Variants in HTR1B observed in about 807,000 individuals in gnomAD.
HTR1B encodes the protein 5-hydroxytryptamine receptor 1B, also known as 5-hydroxytryptamine (serotonin) receptor 1B, G protein-coupled.
A neutral mutation model predicts 25.3 loss-of-function variants in HTR1B; 12 were observed. The observed-to-expected ratio is 0.47, with a 90% CI of 0.30 to 0.77. The LOEUF is 0.77. Ranked by LOEUF, HTR1B falls within the 30% of genes least tolerant of loss-of-function variation. The pLI, the probability that HTR1B is intolerant of heterozygous loss-of-function variation, is 0.06. For synonymous variants in HTR1B, 224 were observed against 219.1 expected, an observed-to-expected ratio of 1.02 and a Z score of -0.20; for missense variants, 453 against 503.0, an observed-to-expected ratio of 0.90 and a Z score of 0.95.
chr6:77,462,828 G>A lies in HTR1B; in HGVS notation c.576C>T (p.Ala192=), dbSNP rs143504829. 6 of 1,613,900 alleles carry A rather than the reference G, an allele frequency of 3.7e-6. No individual in the cohort carries two copies. Among genetic ancestry groups the A allele is most frequent in the South Asian group, 1.1e-5 (1 of 91,088 alleles). ...CCACGCATTCCGACACCTCCTCTTC[G>A]GCCTTAGCCTGACGCCAGAAGAAGG... The part of the protein sequence containing the change: ...LPPFFWRQAK[A]EEEVSECVVN... Residue 192 remains alanine, a synonymous_variant, in exon 1 of 1, where the codon GCC becomes GCT. Transcript: ENST00000369947. This position sits in a 1 kb window ranked among gnomAD's most constrained non-coding sequence, Gnocchi z 4.9.
chr6:77,463,311 T>C lies in HTR1B; in HGVS notation c.93A>G (p.Gln31=). 1 of 1,614,010 alleles carries C rather than the reference T, an allele frequency of 6.2e-7. No homozygotes were observed. ...AAATGTAGTCCTTGGCGCTGCAGTT[T>C]TGGGAGGGAGCAGAGGATAAGTTGG... ...PQANLSSAPS[Q]NCSAKDYIYQ... Residue 31 remains glutamine (Q), a synonymous_variant, in exon 1 of 1, where the codon CAA becomes CAG. Transcript: ENST00000369947.
In HTR1B at chr6:77,462,446, A is replaced by G; in HGVS notation, c.958T>C (p.Leu320=). Residue 320 remains leucine, a synonymous_variant, in exon 1 of 1, where the codon TTG becomes CTG. Coordinates refer to ENST00000369947, the MANE Select transcript of HTR1B (RefSeq NM_000863.3). This position sits in a 1 kb window ranked among gnomAD's most constrained non-coding sequence, Gnocchi z 4.9. The part of the protein sequence containing the change: ...RKATKTLGII[L]GAFIVCWLPF... ...AGCCAACACACAATAAAGGCTCCCA[A>G]AATGATCCCTAGGGTCTTGGTGGCT... The G allele has an allele frequency of 1.2e-6, 2 of 1,614,082 alleles. No individual in the cohort carries two copies. Among genetic ancestry groups the G allele is most frequent in the African/African-American group, 1.3e-5 (1 of 75,036 alleles).
rs1257534609 is a variant in HTR1B at position 77,462,399 on chromosome 6, T to C, written c.1005A>G (p.Leu335=). The change falls in exon 1 of 1, where the codon CTA becomes CTG. Residue 335 remains leucine, a synonymous_variant. Coordinates refer to ENST00000369947, the MANE Select transcript of HTR1B (RefSeq NM_000863.3). This position sits in a 1 kb window ranked among gnomAD's most constrained non-coding sequence, Gnocchi z 4.9. Reference sequence around the variant, plus strand: ...AGGCATCTTTGCAGATAGGCATCACTAGGGAGATGATGAAGAAGGGTAGCC... The same window carrying C: ...AGGCATCTTTGCAGATAGGCATCACCAGGGAGATGATGAAGAAGGGTAGCC... ...VCWLPFFIIS[L]VMPICKDACW... 4.3e-6 allele frequency: 7 copies of C among 1,613,704 alleles called. No individual in the cohort carries two copies. In the East Asian group the frequency reaches 1.1e-4, roughly 26 times the overall value.
Position 77,462,137 on chromosome 6 carries a change from C to G in HTR1B, c.*94G>C, listed in dbSNP as rs1258089694. ...CCAGGAGAGAGAGCCTCGCTGGGAC[C>G]CAGAAACCGCGAAAGAAGATTCGAC... On this transcript the variant is annotated 3_prime_UTR_variant, in exon 1 of 1. Transcript: ENST00000369947. This position sits in a 1 kb window ranked among gnomAD's most constrained non-coding sequence, Gnocchi z 4.9. 2.3e-6 allele frequency: 2 copies of G among 854,180 alleles called. No homozygotes were observed. The highest frequency in any genetic ancestry group is 4.4e-5 in the Admixed American group (2 of 45,372). The allele number at this position is 854,180 out of a possible 1,614,324, so 52.9% of individuals were successfully genotyped here. A position where few individuals can be genotyped will look rare whatever the true frequency, so the allele number is the denominator to read the frequency against.
Position 77,462,801 on chromosome 6 carries a change from C to T in HTR1B, c.603G>A (p.Val201=), listed in dbSNP as rs1766159800. Residue 201 remains valine, a synonymous_variant, in exon 1 of 1, where the codon GTG becomes GTA. Coordinates refer to ENST00000369947, the MANE Select transcript of HTR1B (RefSeq NM_000863.3). The surrounding 1 kb of genome is among the most constrained non-coding windows in gnomAD (Gnocchi z 4.9). ...KAEEEVSECV[V]NTDHILYTVY... is the part of the protein sequence containing the mutation. ...CCGTGTAGAGGATGTGGTCGGTGTT[C>T]ACCACGCATTCCGACACCTCCTCTT... The T allele has an allele frequency of 7.4e-6, 12 of 1,612,904 alleles. No homozygotes were observed. The highest frequency in any genetic ancestry group is 4.5e-5 in the East Asian group (2 of 44,766).
At position 77,463,415 on chromosome 6, in the gene HTR1B, C is replaced by T. The variant is rs765958421; in HGVS notation, c.-12G>A. 2 of 1,603,556 alleles carry T rather than the reference C, an allele frequency of 1.2e-6. No individual in the cohort carries two copies. Among genetic ancestry groups the T allele is most frequent in the Non-Finnish European group, 1.7e-6 (2 of 1,174,906 alleles). On this transcript the variant is annotated 5_prime_UTR_variant, in exon 1 of 1. Transcript: ENST00000369947. ...CCCGGTTCCTCCATGGCTCTCCTCG[C>T]CCCAGCTCCGGAGCGCAGCTCTTGG...
chr6:77,460,978 A>T lies in HTR1B; in HGVS notation c.*1253T>A, dbSNP rs932540845. 2.6e-5 allele frequency among the ~76,000 whole-genome samples: 4 copies of T among 152,144 alleles called. No individual in the cohort carries two copies. Among genetic ancestry groups the T allele is most frequent in the Non-Finnish European group, 4.4e-5 (3 of 68,026 alleles). ...TATCGTTTTTAGGGCCCTTAACTGT[A>T]TTTTTAAGGTTTCTGGAGAAGGAAG... On this transcript the variant is annotated 3_prime_UTR_variant, in exon 1 of 1. Transcript: ENST00000369947.
Position 77,462,641 on chromosome 6 carries a change from G to A in HTR1B, c.763C>T (p.Gln255Ter). The A allele has an allele frequency of 6.2e-7, 1 of 1,613,198 alleles. No individual in the cohort carries two copies. ...GACCCGGGGGAGTCGGTTATCAGCT[G>A]GGCTCGGGTCAAGCGCTTGCCGGTC... ...NRTGKRLTRA[Q>*]LITDSPGSTS... The change falls in exon 1 of 1, where the codon CAG becomes TAG. Residue 255 changes from glutamine (Q) to a stop codon, truncating the protein, a stop_gained. Coordinates refer to ENST00000369947, the MANE Select transcript of HTR1B (RefSeq NM_000863.3). LOFTEE classifies it high-confidence loss of function. This position sits in a 1 kb window ranked among gnomAD's most constrained non-coding sequence, Gnocchi z 4.9.
rs530047898 is a variant in HTR1B at position 77,461,946 on chromosome 6, A to G, written c.*285T>C. 1.4e-5 allele frequency: 5 copies of G among 357,656 alleles called. No homozygotes were observed. The highest frequency in any genetic ancestry group is 4.1e-5 in the African/African-American group (2 of 48,594). 22.2% of individuals were successfully genotyped at this position (357,656 alleles called of 1,614,324 possible). A position where few individuals can be genotyped will look rare whatever the true frequency, so the allele number is the denominator to read the frequency against. On this transcript the variant is annotated 3_prime_UTR_variant, in exon 1 of 1. Transcript: ENST00000369947. ...CCATTATCAATTTTTAAAAGTTGCA[A>G]CCCCCTTTGGGATTGGCTGCCGCAG...
chr6:77,463,270 G>A lies in HTR1B; in HGVS notation c.134C>T (p.Ser45Phe). Residue 45 changes from serine to phenylalanine, a missense_variant, in exon 1 of 1, where the codon TCC becomes TTC. Physicochemically the swap from Ser to Phe is radical, Grantham distance 155. This residue lies in a region of HTR1B where 129 missense variants were observed against 118.3 expected (regional missense o/e 1.09). Transcript: ENST00000369947. ...AACCAGCAGTACTTTCCAGGGTAGG[G>A]AGATGGAGTCCTGGTAAATGTAGTC... ...AKDYIYQDSI[S>F]LPWKVLLVML... The A allele has an allele frequency of 6.2e-7, 1 of 1,614,234 alleles. No homozygotes were observed. The highest frequency in any genetic ancestry group is 2.2e-5 in the East Asian group (1 of 44,880).
In HTR1B at chr6:77,462,172, G is replaced by T; in HGVS notation, c.*59C>A. 1 of 1,193,346 alleles carries T rather than the reference G, an allele frequency of 8.4e-7. No individual in the cohort carries two copies. Among genetic ancestry groups the T allele is most frequent in the Non-Finnish European group, 1.2e-6 (1 of 823,916 alleles). 73.9% of individuals were successfully genotyped at this position (1,193,346 alleles called of 1,614,324 possible). On this transcript the variant is annotated 3_prime_UTR_variant, in exon 1 of 1. Transcript: ENST00000369947. The surrounding 1 kb of genome is among the most constrained non-coding windows in gnomAD (Gnocchi z 4.9). ...CGAAAGAAGATTCGACCTACCTGTG[G>T]AACCAGACACAACTTGGTCCCCAAA...
rs1283019706 is a variant in HTR1B at position 77,462,213 on chromosome 6, C to G, written c.*18G>C. On this transcript the variant is annotated 3_prime_UTR_variant, in exon 1 of 1. Coordinates refer to ENST00000369947, the MANE Select transcript of HTR1B (RefSeq NM_000863.3). This position sits in a 1 kb window ranked among gnomAD's most constrained non-coding sequence, Gnocchi z 4.9. ...GGTCCCCAAAGGTCGCTTAGGCGAC[C>G]CCACTGCAAACGGCAAGTCAACTTG... The G allele has an allele frequency of 6.3e-7, 1 of 1,577,344 alleles. No homozygotes were observed. Among genetic ancestry groups the G allele is most frequent in the South Asian group, 1.1e-5 (1 of 88,448 alleles).
chr6:77,462,964 C>T lies in HTR1B; in HGVS notation c.440G>A (p.Arg147His). ...CACGGCGTCCGTGATGGCCCAGTAGCGGTCCAGGGCGATGACACAGAGGTG... is the reference window on the plus strand; with the variant it reads ...CACGGCGTCCGTGATGGCCCAGTAGTGGTCCAGGGCGATGACACAGAGGTG... ...ILHLCVIALDRYWAITDAVEY... is the reference protein window; with the variant it reads ...ILHLCVIALDHYWAITDAVEY... The change falls in exon 1 of 1, where the codon CGC becomes CAC. Residue 147 changes from arginine (R) to histidine (H), a missense_variant. Arg to His is a conservative substitution (Grantham distance 29). Coordinates refer to ENST00000369947, the MANE Select transcript of HTR1B (RefSeq NM_000863.3). The surrounding 1 kb of genome is among the most constrained non-coding windows in gnomAD (Gnocchi z 4.9). 6.2e-7 allele frequency: 1 copy of T among 1,614,028 alleles called. No homozygotes were observed. The highest frequency in any genetic ancestry group is 8.5e-7 in the Non-Finnish European group (1 of 1,180,042).
rs1283019706 is a variant in HTR1B at position 77,462,213 on chromosome 6, C to A, written c.*18G>T. 1 of 1,577,342 alleles carries A rather than the reference C, an allele frequency of 6.3e-7. No individual in the cohort carries two copies. Among genetic ancestry groups the A allele is most frequent in the Admixed American group, 1.7e-5 (1 of 58,868 alleles). On this transcript the variant is annotated 3_prime_UTR_variant, in exon 1 of 1. Transcript: ENST00000369947. This position sits in a 1 kb window ranked among gnomAD's most constrained non-coding sequence, Gnocchi z 4.9. ...GGTCCCCAAAGGTCGCTTAGGCGAC[C>A]CCACTGCAAACGGCAAGTCAACTTG...
chr6:77,461,307 G>A lies in HTR1B; in HGVS notation c.*924C>T, dbSNP rs1265259517. The stretch of plus-strand genomic sequence containing the variant: ...TTAGTAAGAAATATAGCAGCAGTGT[G>A]GGCTGAGTCACCCATCATACCCTTC... On this transcript the variant is annotated 3_prime_UTR_variant, in exon 1 of 1. Coordinates refer to ENST00000369947, the MANE Select transcript of HTR1B (RefSeq NM_000863.3). 2.0e-5 allele frequency among the ~76,000 whole-genome samples: 3 copies of A among 152,112 alleles called. No individual in the cohort carries two copies. The highest frequency in any genetic ancestry group is 4.8e-5 in the African/African-American group (2 of 41,400).
chr6:77,463,314 G>T lies in HTR1B; in HGVS notation c.90C>A (p.Ser30=), dbSNP rs760691065. The T allele has an allele frequency of 1.9e-6, 3 of 1,614,210 alleles. No homozygotes were observed. The South Asian group carries it at 3.3e-5, about 18-fold the overall frequency. The stretch of plus-strand genomic sequence containing the variant: ...TGTAGTCCTTGGCGCTGCAGTTTTG[G>T]GAGGGAGCAGAGGATAAGTTGGCTT... ...VPQANLSSAP[S]QNCSAKDYIY... Residue 30 remains serine (S), a synonymous_variant, in exon 1 of 1, where the codon TCC becomes TCA. Coordinates refer to ENST00000369947, the MANE Select transcript of HTR1B (RefSeq NM_000863.3).
At position 77,462,426 on chromosome 6, in the gene HTR1B, A is replaced by G. The variant is rs762767789; in HGVS notation, c.978T>C (p.Cys326=). Residue 326 remains cysteine, a synonymous_variant, in exon 1 of 1, where the codon TGT becomes TGC. Transcript: ENST00000369947. The surrounding 1 kb of genome is among the most constrained non-coding windows in gnomAD (Gnocchi z 4.9). ...GGGAGATGATGAAGAAGGGTAGCCAACACACAATAAAGGCTCCCAAAATGA... is the reference window on the plus strand; with the variant it reads ...GGGAGATGATGAAGAAGGGTAGCCAGCACACAATAAAGGCTCCCAAAATGA... ...LGIILGAFIV[C]WLPFFIISLV... 1 of 1,614,062 alleles carries G rather than the reference A, an allele frequency of 6.2e-7. No homozygotes were observed. The highest frequency in any genetic ancestry group is 2.2e-5 in the East Asian group (1 of 44,856).
Position 77,462,262 on chromosome 6 carries a change from T to G in HTR1B, c.1142A>C (p.His381Pro). ...MSNEDFKQAF[H>P]KLIRFKCTS ...TGTGCACTTAAAACGTATCAGTTTA[T>G]GGAATGCTTGTTTAAAGTCCTCATT... is the stretch of plus-strand genomic sequence containing the variant. Residue 381 changes from histidine to proline, a missense_variant, in exon 1 of 1, where the codon CAT (histidine) becomes CCT (proline). Coordinates refer to ENST00000369947, the MANE Select transcript of HTR1B (RefSeq NM_000863.3). This position sits in a 1 kb window ranked among gnomAD's most constrained non-coding sequence, Gnocchi z 4.9. 6.2e-7 allele frequency: 1 copy of G among 1,613,998 alleles called. No homozygotes were observed. Among genetic ancestry groups the G allele is most frequent in the Non-Finnish European group, 8.5e-7 (1 of 1,179,882 alleles).
At position 77,462,747 on chromosome 6, in the gene HTR1B, G is replaced by A; in HGVS notation, c.657C>T (p.Phe219=). 2.5e-6 allele frequency: 4 copies of A among 1,613,982 alleles called. No homozygotes were observed. The highest frequency in any genetic ancestry group is 3.4e-6 in the Non-Finnish European group (4 of 1,180,020). Residue 219 remains phenylalanine (F), a synonymous_variant, in exon 1 of 1, where the codon TTC becomes TTT. Transcript: ENST00000369947. The surrounding 1 kb of genome is among the most constrained non-coding windows in gnomAD (Gnocchi z 4.9). ...TVYSTVGAFY[F]PTLLLIALYG... The stretch of plus-strand genomic sequence containing the variant: ...AGAGGGCGATGAGGAGCAGGGTGGG[G>A]AAGTAGAAAGCACCCACCGTGGAGT...
Sources: gnomAD v4.1 joint callset for allele counts (sites outside exome capture counted in the v4.1 genomes callset) on GRCh38, gnomAD v4.1.1 for gene constraint, gnomAD v4.1.1 regional missense constraint, Gnocchi (gnomAD v3.1) non-coding constraint, MANE v1.5 for transcripts, NCBI Gene and HGNC (gene_info 2026-07-23, HGNC 2026-07-21) for gene names.